The following ZNF385D variants were observed in gnomAD, a reference collection of about 807,000 sequenced individuals.
ZNF385D encodes zinc finger protein 385D.
A neutral mutation model predicts 35.8 loss-of-function variants in ZNF385D; 15 were observed. The observed-to-expected ratio is 0.42, with a 90% CI of 0.28 to 0.64. ZNF385D has a LOEUF of 0.64. Ranked by LOEUF, ZNF385D falls within the 30% of genes least tolerant of loss-of-function variation. The probability of loss-of-function intolerance (pLI) is 0.23; values close to 1 mark genes in which losing one functional copy is unlikely to be tolerated. For missense variants in ZNF385D, 474 were observed against 494.6 expected (o/e 0.96, Z 0.39); for synonymous variants, 212 against 186.8 (o/e 1.13, Z -1.10).
intron 1 of ZNF385D, among the ~76,000 whole-genome samples, chr3:21,723,811 T>C (rs912494985): frequency 1.6e-4 from 25 of 152,018 alleles, no homozygotes; most frequent in African/African-American, 5.6e-4. Flanking sequence ...ACCACGAAGA[T>C]ACTCCTTGAG....
intron 2 of ZNF385D, among the ~76,000 whole-genome samples, chr3:21,596,633 T>C (rs2064135121): frequency 6.8e-6 from 1 of 146,476 alleles, no homozygotes; most frequent in Non-Finnish European, 1.5e-5. Context: ...GGCAACATCA[T>C]GCTTGACTTT....
chr3:21,531,018 A>T, intron 3 of ZNF385D, among the ~76,000 whole-genome samples: 1 of 152,204 alleles, frequency 6.6e-6, no homozygotes, highest in Admixed American at 6.5e-5. Context: ...CAACCACAAG[A>T]GTTAAAGAAA....
At chr3:21,736,249 G>A (rs561932680) in intron 1 of ZNF385D, among the ~76,000 whole-genome samples, 6 of 152,088 alleles carry the variant, frequency 3.9e-5, no homozygotes, top group Non-Finnish European at 5.9e-5. Flanking sequence ...TGACATCATC[G>A]CTGCTTGGAA....
intron 2 of ZNF385D, among the ~76,000 whole-genome samples, chr3:21,577,795 A>G (rs1575232094): frequency 7.0e-6 from 1 of 143,432 alleles, no homozygotes; most frequent in Admixed American, 7.0e-5. Context: ...CTTGTTGGCC[A>G]TTTGTATATT....
In ZNF385D at chr3:21,895,446, C is replaced by A. The variant is rs930037435; in HGVS notation, c.326-230418G>T. On this transcript the variant is annotated intron_variant, in intron 3 of 5. Coordinates refer to the ZNF385D transcript ENST00000494108. ...GGTTCAAGTGATTCTCCTGCCTCAGCCTCCTGAGAAGCTGGGGACTACAGG... is the reference window on the plus strand; with the variant it reads ...GGTTCAAGTGATTCTCCTGCCTCAGACTCCTGAGAAGCTGGGGACTACAGG... Among the ~76,000 whole-genome samples, 5 of 150,480 alleles carry A rather than the reference C, an allele frequency of 3.3e-5. No individual in the cohort carries two copies. The South Asian group carries it at 1.1e-3, about 32-fold the overall frequency.
intron 3 of ZNF385D, among the ~76,000 whole-genome samples, chr3:21,515,986 A>G (rs1252288923): frequency 6.6e-6 from 1 of 151,868 alleles, no homozygotes; most frequent in Non-Finnish European, 1.5e-5. Context: ...AGACTTTTTC[A>G]TTCTGACAAC....
chr3:22,157,690 T>C (rs974745955), intron 3 of ZNF385D, among the ~76,000 whole-genome samples: 5 of 152,152 alleles, frequency 3.3e-5, no homozygotes, highest in African/African-American at 1.2e-4. Context: ...GTCACTGAAA[T>C]AAAATCTTGA....
intron 2 of ZNF385D, among the ~76,000 whole-genome samples, chr3:22,214,398 C>A (rs963854414): frequency 6.6e-6 from 1 of 152,016 alleles, no homozygotes; most frequent in African/African-American, 2.4e-5. Flanking sequence ...AATATGAAAT[C>A]TGGGCACCTT....
At chr3:21,595,866 A>G (rs1253549521) in intron 2 of ZNF385D, among the ~76,000 whole-genome samples, 1 of 152,232 alleles carries the variant, frequency 6.6e-6, no homozygotes, top group Non-Finnish European at 1.5e-5. Flanking sequence ...ACGAAGGTCT[A>G]GAGTGATCTT....
chr3:21,667,378 T>C (rs965641135), intron 1 of ZNF385D, among the ~76,000 whole-genome samples: 1 of 152,064 alleles, frequency 6.6e-6, no homozygotes, highest in Non-Finnish European at 1.5e-5. Context: ...CCTAGGCTGG[T>C]CTCAAACTCC....
At chr3:21,729,497 T>A (rs560088316) in intron 1 of ZNF385D, among the ~76,000 whole-genome samples, 2 of 152,112 alleles carry the variant, frequency 1.3e-5, no homozygotes, top group Non-Finnish European at 2.9e-5. Flanking sequence ...TTTGGCAATC[T>A]TATCAACTCT....
intron 2 of ZNF385D, among the ~76,000 whole-genome samples, chr3:22,231,237 G>C (rs890367374): frequency 6.6e-6 from 1 of 152,186 alleles, no homozygotes. Flanking sequence ...AGTGTTGCAA[G>C]ATCAGTGTCT....
chr3:21,505,758 C>A (rs1468177974), intron 4 of ZNF385D, among the ~76,000 whole-genome samples: 2 of 152,080 alleles, frequency 1.3e-5, no homozygotes, highest in Admixed American at 6.6e-5. Flanking sequence ...CAGCTTTTGA[C>A]TCAAAGGACC....
At chr3:21,804,532 G>C (rs768605014) in intron 3 of ZNF385D, among the ~76,000 whole-genome samples, 1 of 152,074 alleles carries the variant, frequency 6.6e-6, no homozygotes, top group Non-Finnish European at 1.5e-5. Flanking sequence ...TTTTTCATTT[G>C]TCAAGCCTTG....
At chr3:21,678,983 T>G (rs2066814222) in intron 1 of ZNF385D, among the ~76,000 whole-genome samples, 1 of 152,056 alleles carries the variant, frequency 6.6e-6, no homozygotes, top group Non-Finnish European at 1.5e-5. Context: ...CCTTCAAGGT[T>G]CAGCTGAAAG....
intron 3 of ZNF385D, among the ~76,000 whole-genome samples, chr3:21,985,074 A>G (rs1453072501): frequency 5.8e-4 from 83 of 142,228 alleles, no homozygotes; most frequent in Non-Finnish European, 9.4e-4. Context: ...GGGCTGAGAC[A>G]ATGGGGTTTT....
At chr3:21,690,156 A>G (rs1043583796) in intron 1 of ZNF385D, among the ~76,000 whole-genome samples, 1 of 152,184 alleles carries the variant, frequency 6.6e-6, no homozygotes, top group Non-Finnish European at 1.5e-5. Context: ...AAATAAATAT[A>G]ATTTTAATAT....
rs144282016 is a variant in ZNF385D at position 22,270,773 on chromosome 3, C to T, written c.106+101677G>A. The stretch of plus-strand genomic sequence containing the variant: ...TTGAATAAGTCGTAGTGAATCTTAC[C>T]CCGACTTTATTTTAAACATATGTAG... On this transcript the variant is annotated intron_variant, in intron 2 of 5. Coordinates refer to the ZNF385D transcript ENST00000494108. Among the ~76,000 whole-genome samples the T allele has an allele frequency of 1.6e-4, 25 of 151,838 alleles. No homozygotes were observed. The East Asian group carries it at 3.9e-3, about 24-fold the overall frequency.
intron 4 of ZNF385D, among the ~76,000 whole-genome samples, chr3:21,491,957 A>C (rs1326558434): frequency 6.6e-6 from 1 of 152,110 alleles, no homozygotes; most frequent in Non-Finnish European, 1.5e-5. Context: ...ACACACATAC[A>C]CACACATTTA....
Sources: gnomAD v4.1 joint callset for allele counts (sites outside exome capture counted in the v4.1 genomes callset) on GRCh38, gnomAD v4.1.1 for gene constraint, MANE v1.5 for transcripts, NCBI Gene and HGNC (gene_info 2026-07-23, HGNC 2026-07-21) for gene names.